RELN: variants seen among roughly 807,000 people sequenced by gnomAD.
RELN encodes the protein reelin.
RELN carries 108 observed loss-of-function variants against 427.6 expected under a neutral mutation model. The ratio of observed to expected loss-of-function variants is 0.25; its 90% CI spans 0.22 to 0.30. RELN has a LOEUF of 0.30. Ranked by LOEUF, RELN falls within the 10% of genes least tolerant of loss-of-function variation. The pLI is 1.00. For synonymous variants in RELN, 1,524 were observed against 1,513.4 expected, an observed-to-expected ratio of 1.01 and a Z score of -0.16; for missense variants, 3,715 against 4,302.8, an observed-to-expected ratio of 0.86 and a Z score of 3.82.
intron 63 of RELN, among the ~76,000 whole-genome samples, chr7:103,480,259 G>A (rs1436839806): frequency 4.6e-5 from 7 of 152,128 alleles, no homozygotes; most frequent in African/African-American, 1.7e-4. Flanking sequence ...CTGAAGCAAA[G>A]TTATAATTAA....
intron 28 of RELN, among the ~76,000 whole-genome samples, chr7:103,576,710 C>T (rs1831011273): frequency 6.6e-6 from 1 of 151,590 alleles, no homozygotes; most frequent in African/African-American, 2.4e-5. Flanking sequence ...TTCACCTGCG[C>T]CTTCCCTCCT....
Position 103,896,295 on chromosome 7 carries a change from C to T in RELN, c.337+20780G>A, listed in dbSNP as rs187398179. Among the ~76,000 whole-genome samples the T allele has an allele frequency of 2.0e-4, 30 of 152,132 alleles. No homozygotes were observed. In the East Asian group the frequency reaches 4.3e-3, roughly 22 times the overall value. On this transcript the variant is annotated intron_variant, in intron 2 of 64. Coordinates refer to ENST00000428762, the MANE Select transcript of RELN (RefSeq NM_005045.4). ...TTTCTCACAAAACAAAACCCAGCAA[C>T]GCCACTCCTAGGTATTTGCCCAATA... is the stretch of plus-strand genomic sequence containing the variant.
intron 11 of RELN, among the ~76,000 whole-genome samples, chr7:103,668,441 T>C (rs1165298236): frequency 6.6e-6 from 1 of 152,182 alleles, no homozygotes; most frequent in East Asian, 1.9e-4. Flanking sequence ...TGGAAGAAAC[T>C]GGGACACACA....
At position 103,897,954 on chromosome 7, in the gene RELN, C is replaced by G. The variant is rs182086544; in HGVS notation, c.337+19121G>C. On this transcript the variant is annotated intron_variant, in intron 2 of 64. Coordinates refer to ENST00000428762, the MANE Select transcript of RELN (RefSeq NM_005045.4). Reference sequence around the variant, plus strand: ...CCTACTTCCTCCCTATTGGATTGATCGCTTTTTAACAAACTAATTAAAACT... The same window carrying G: ...CCTACTTCCTCCCTATTGGATTGATGGCTTTTTAACAAACTAATTAAAACT... Among the ~76,000 whole-genome samples the G allele has an allele frequency of 4.2e-3, 644 of 152,188 alleles. 2 individuals are homozygous for G. The highest frequency in any genetic ancestry group is 5.7e-3 in the Non-Finnish European group (385 of 67,994).
chr7:103,640,947 T>C lies in RELN; in HGVS notation c.2003-338A>G, dbSNP rs1488626480. Among the ~76,000 whole-genome samples the C allele has an allele frequency of 6.6e-6, 1 of 152,162 alleles. No individual in the cohort carries two copies. The highest frequency in any genetic ancestry group is 1.5e-5 in the Non-Finnish European group (1 of 68,022). ...ATTTTCATTAGGTAGAAAAAAAATA[T>C]TTAAAAAGGACCAATCTGATATATC... On this transcript the variant is annotated intron_variant, in intron 16 of 64. Coordinates refer to ENST00000428762, the MANE Select transcript of RELN (RefSeq NM_005045.4). The surrounding 1 kb of genome is among the most constrained non-coding windows in gnomAD (Gnocchi z 4.1).
At chr7:103,941,173 A>T (rs1796106669) in intron 1 of RELN, among the ~76,000 whole-genome samples, 1 of 152,150 alleles carries the variant, frequency 6.6e-6, no homozygotes, top group Non-Finnish European at 1.5e-5. Flanking sequence ...AAGAGCTTAG[A>T]CTTCCATAAC....
At chr7:103,504,983 C>G (rs1240607327) in intron 51 of RELN, among the ~76,000 whole-genome samples, 1 of 152,130 alleles carries the variant, frequency 6.6e-6, no homozygotes, top group Non-Finnish European at 1.5e-5. Context: ...TGGGTGGAGC[C>G]CGCCTCAGCT....
intron 1 of RELN, among the ~76,000 whole-genome samples, chr7:103,960,307 A>G (rs1554448681): frequency 6.6e-6 from 1 of 152,022 alleles, no homozygotes; most frequent in African/African-American, 2.4e-5. Flanking sequence ...CTATATGTTT[A>G]TGGTTGCTTC....
chr7:103,520,127 G>C (rs1307960455), intron 48 of RELN, among the ~76,000 whole-genome samples: 2 of 151,512 alleles, frequency 1.3e-5, no homozygotes, highest in East Asian at 3.9e-4. Flanking sequence ...TTTCCAAGTT[G>C]CCTTGGCTGT....
intron 64 of RELN, among the ~76,000 whole-genome samples, chr7:103,475,019 A>G (rs929715716): frequency 4.6e-5 from 7 of 152,152 alleles, no homozygotes; most frequent in Non-Finnish European, 1.0e-4. Context: ...AGCTAAGCCA[A>G]CTTAAACAGA....
chr7:103,796,829 G>T (rs576129358), intron 3 of RELN, among the ~76,000 whole-genome samples: 2 of 135,092 alleles, frequency 1.5e-5, no homozygotes, highest in Non-Finnish European at 3.0e-5. Flanking sequence ...CCGCTGCACT[G>T]CAGCCCAGCC....
chr7:103,519,826 G>A (rs1433823131), intron 48 of RELN, among the ~76,000 whole-genome samples: 2 of 151,888 alleles, frequency 1.3e-5, no homozygotes, highest in East Asian at 1.9e-4. Context: ...TGCCTGCCTC[G>A]GCCTCCCAAA....
intron 4 of RELN, among the ~76,000 whole-genome samples, chr7:103,768,441 C>T (rs1478945672): frequency 6.6e-6 from 1 of 152,050 alleles, no homozygotes; most frequent in Non-Finnish European, 1.5e-5. Context: ...AAAATCCATG[C>T]ACAATTTTCA....
chr7:103,472,746 G>T lies in RELN; in HGVS notation c.*66C>A. 1 of 1,250,564 alleles carries T rather than the reference G, an allele frequency of 8.0e-7. No individual in the cohort carries two copies. Among genetic ancestry groups the T allele is most frequent in the Non-Finnish European group, 1.2e-6 (1 of 852,040 alleles). 77.5% of individuals were successfully genotyped at this position (1,250,564 alleles called of 1,614,324 possible). A position where few individuals can be genotyped will look rare whatever the true frequency, so the allele number is the denominator to read the frequency against. ...TATTTCCTGATATCAGATGTAGTGC[G>T]AGATTTAAAAGAATGGAGAGCAACA... On this transcript the variant is annotated 3_prime_UTR_variant, in exon 65 of 65. Transcript: ENST00000428762.
intron 2 of RELN, among the ~76,000 whole-genome samples, chr7:103,861,884 A>G (rs1480553577): frequency 6.6e-6 from 1 of 152,194 alleles, no homozygotes; most frequent in Non-Finnish European, 1.5e-5. Flanking sequence ...GTCTTAAGGC[A>G]ATGTAAGATC....
At chr7:103,672,670 CT>C (rs1228183659) in intron 11 of RELN, among the ~76,000 whole-genome samples, 2 of 151,756 alleles carry the variant, frequency 1.3e-5, no homozygotes, top group Admixed American at 6.6e-5. Context: ...TAATATATTT[CT>C]TGTTTAGAGA....
intron 2 of RELN, among the ~76,000 whole-genome samples, chr7:103,860,927 C>T (rs1312470449): frequency 1.3e-5 from 2 of 151,984 alleles, no homozygotes; most frequent in Non-Finnish European, 2.9e-5. Context: ...AATTTAATAA[C>T]AGGAATATGT....
intron 50 of RELN, 143 bp downstream of exon 50, chr7:103,515,042 G>A (rs766106993): frequency 1.6e-4 from 160 of 1,018,628 alleles, no homozygotes; most frequent in Non-Finnish European, 2.2e-4. Flanking sequence ...AGGCTGAGAG[G>A]AACAAAAGGA....
intron 1 of RELN, among the ~76,000 whole-genome samples, chr7:103,975,515 G>GTTTTTTTTTATT (rs35356053): frequency 7.0e-6 from 1 of 141,882 alleles, no homozygotes; most frequent in African/African-American, 2.6e-5. Flanking sequence ...GAATGGAGCA[G>GTTTTTTTTTATT]TATTTATTTA....
Sources: allele counts gnomAD v4.1 joint callset (sites outside exome capture counted in the v4.1 genomes callset), GRCh38; gene constraint gnomAD v4.1.1; non-coding constraint Gnocchi (gnomAD v3.1); transcripts MANE v1.5; gene names NCBI Gene and HGNC (gene_info 2026-07-23, HGNC 2026-07-21).